The following DNER variants were observed in gnomAD, a reference collection of about 807,000 sequenced individuals.
The protein encoded by DNER is delta/notch like EGF repeat containing, also known as delta and Notch-like epidermal growth factor-related receptor.
A neutral mutation model predicts 78.2 loss-of-function variants in DNER; 33 were observed. The ratio of observed to expected loss-of-function variants is 0.42; its 90% CI spans 0.32 to 0.56. The LOEUF (loss-of-function observed/expected upper bound fraction) is 0.56. Ranked by LOEUF, DNER falls within the 20% of genes least tolerant of loss-of-function variation. The pLI is 0.11. For missense variants in DNER, 918 were observed against 975.3 expected, an observed-to-expected ratio of 0.94 and a Z score of 0.78; for synonymous variants, 417 against 384.8, an observed-to-expected ratio of 1.08 and a Z score of -0.98.
chr2:229,439,518 T>A (rs981060444), intron 8 of DNER, among the ~76,000 whole-genome samples: 7 of 152,222 alleles, frequency 4.6e-5, no homozygotes, highest in Non-Finnish European at 8.8e-5. Flanking sequence ...AATTCAGCTC[T>A]TCTCAACGCT....
chr2:229,368,978 A>G (rs1324633549), intron 11 of DNER, among the ~76,000 whole-genome samples: 1 of 152,208 alleles, frequency 6.6e-6, no homozygotes, highest in East Asian at 1.9e-4. Flanking sequence ...TAAAGAAGAC[A>G]TTTGTAGGAT....
intron 1 of DNER, among the ~76,000 whole-genome samples, chr2:229,603,272 A>G (rs922815124): frequency 6.6e-6 from 1 of 152,060 alleles, no homozygotes; most frequent in Non-Finnish European, 1.5e-5. Context: ...TATTTAATAA[A>G]CAGAACACAA....
At chr2:229,433,369 C>G (rs1382226733) in intron 8 of DNER, among the ~76,000 whole-genome samples, 1 of 152,198 alleles carries the variant, frequency 6.6e-6, no homozygotes, top group African/African-American at 2.4e-5. Context: ...GTCAAATGAT[C>G]TACCAGCCAT....
At chr2:229,704,045 T>C (rs1401125542) in intron 1 of DNER, among the ~76,000 whole-genome samples, 1 of 152,086 alleles carries the variant, frequency 6.6e-6, no homozygotes, top group Non-Finnish European at 1.5e-5. Context: ...CAGAACTCAT[T>C]TGAATAGACA....
At chr2:229,378,090 G>A (rs531272737) in intron 11 of DNER, among the ~76,000 whole-genome samples, 2 of 152,168 alleles carry the variant, frequency 1.3e-5, no homozygotes, top group Non-Finnish European at 2.9e-5. Flanking sequence ...GAAGGCAGAA[G>A]GCACCACGAG....
rs138072429 is a variant in DNER, at chr2:229,611,976, T to C, written c.277-20088A>G. On this transcript the variant is annotated intron_variant, in intron 1 of 12. Coordinates refer to ENST00000341772, the MANE Select transcript of DNER (RefSeq NM_139072.4). ...GCATTGGTAGCCTGTCACTTTTTGT[T>C]ATCCTATTGTTCCTATGTTTTAGCA... Among the ~76,000 whole-genome samples, 403 of 152,340 alleles carry C rather than the reference T, an allele frequency of 2.6e-3. 3 individuals carry two copies. Among genetic ancestry groups the C allele is most frequent in the African/African-American group, 9.4e-3 (389 of 41,576 alleles).
intron 5 of DNER, among the ~76,000 whole-genome samples, chr2:229,529,973 G>A (rs745906975): frequency 3.9e-4 from 59 of 151,962 alleles, no homozygotes; most frequent in Non-Finnish European, 7.2e-4. Flanking sequence ...CTACATGCCA[G>A]CATGGGTGAC....
In DNER at chr2:229,476,176, C is replaced by T. The variant is rs185946219; in HGVS notation, c.1261+964G>A. 1.1e-4 allele frequency among the ~76,000 whole-genome samples: 16 copies of T among 152,296 alleles called. No homozygotes were observed. In the East Asian group the frequency reaches 3.1e-3, roughly 29 times the overall value. ...ACTCCGGCCCCCACCCTGGCCCCTGCTCTGCCCAAGTGAGCAGGAAGACAA... is the reference window on the plus strand; with the variant it reads ...ACTCCGGCCCCCACCCTGGCCCCTGTTCTGCCCAAGTGAGCAGGAAGACAA... On this transcript the variant is annotated intron_variant, in intron 7 of 12. Transcript: ENST00000341772.
At chr2:229,696,427 C>T (rs986539470) in intron 1 of DNER, among the ~76,000 whole-genome samples, 29 of 152,186 alleles carry the variant, frequency 1.9e-4, no homozygotes, top group Admixed American at 3.9e-4. Flanking sequence ...TGTGCTGTTG[C>T]TTATAATCTG....
chr2:229,503,865 C>T (rs1695678192), intron 6 of DNER, among the ~76,000 whole-genome samples: 1 of 152,242 alleles, frequency 6.6e-6, no homozygotes, highest in South Asian at 2.1e-4. Flanking sequence ...CTTCAGCCTC[C>T]TGAGTAGCTG....
chr2:229,667,912 A>T (rs1351657413), intron 1 of DNER, among the ~76,000 whole-genome samples: 3 of 152,210 alleles, frequency 2.0e-5, no homozygotes, highest in African/African-American at 7.2e-5. Flanking sequence ...ATGTGAACAA[A>T]TCCATTCGTT....
chr2:229,421,208 A>T (rs2106350449), intron 8 of DNER, among the ~76,000 whole-genome samples: 1 of 152,278 alleles, frequency 6.6e-6, no homozygotes, highest in Non-Finnish European at 1.5e-5. Context: ...TATATGATGT[A>T]TTTTTAAAAT....
intron 7 of DNER, among the ~76,000 whole-genome samples, chr2:229,450,589 C>T (rs1307258828): frequency 6.6e-6 from 1 of 152,132 alleles, no homozygotes; most frequent in African/African-American, 2.4e-5. Flanking sequence ...AGAGGTGAGT[C>T]AGTTAAACTG....
chr2:229,680,520 G>T (rs1367007999), intron 1 of DNER, among the ~76,000 whole-genome samples: 1 of 152,000 alleles, frequency 6.6e-6, no homozygotes, highest in African/African-American at 2.4e-5. Flanking sequence ...TGAAGTGCAG[G>T]TATCACACAA....
chr2:229,527,753 A>G (rs1193065158), intron 5 of DNER, among the ~76,000 whole-genome samples: 3 of 152,166 alleles, frequency 2.0e-5, no homozygotes, highest in East Asian at 3.8e-4. Flanking sequence ...TTCTCCTACT[A>G]TTACTCCTGG....
At chr2:229,582,216 T>C (rs1042700248) in intron 4 of DNER, among the ~76,000 whole-genome samples, 9 of 152,210 alleles carry the variant, frequency 5.9e-5, no homozygotes, top group South Asian at 2.1e-4. Context: ...AGCTCCTTTT[T>C]AAAAACAAAA....
intron 1 of DNER, among the ~76,000 whole-genome samples, chr2:229,597,831 T>C (rs1179491331): frequency 6.6e-6 from 1 of 152,198 alleles, no homozygotes; most frequent in African/African-American, 2.4e-5. Context: ...ATTTTCCACA[T>C]TTTATTTTAG....
chr2:229,548,777 C>G (rs1457398812), intron 4 of DNER, among the ~76,000 whole-genome samples: 18 of 152,000 alleles, frequency 1.2e-4, no homozygotes, highest in Admixed American at 1.2e-3. Flanking sequence ...ACAAAAAAAC[C>G]TTTAAAACTT....
chr2:229,515,639 A>ATTTTT (rs1162899815), intron 5 of DNER, among the ~76,000 whole-genome samples: 3 of 71,530 alleles, frequency 4.2e-5, no homozygotes, highest in African/African-American at 4.2e-5. Context: ...AGTTAGCTTT[A>ATTTTT]TTTTTTTATT....
Sources: gnomAD v4.1 joint callset for allele counts (sites outside exome capture counted in the v4.1 genomes callset) on GRCh38, gnomAD v4.1.1 for gene constraint, MANE v1.5 for transcripts, NCBI Gene and HGNC (gene_info 2026-07-23, HGNC 2026-07-21) for gene names.